Variants in RPH3AL observed in about 807,000 individuals in gnomAD.
The protein encoded by RPH3AL is rabphilin 3A like (without C2 domains).
RPH3AL carries 38 observed loss-of-function variants against 43.1 expected under a neutral mutation model. The observed-to-expected ratio is 0.88, with a 90% CI of 0.68 to 1.15. The LOEUF is 1.15. RPH3AL is among the 50% of genes most tolerant of loss of function. RPH3AL has a pLI of 0.00. For synonymous variants in RPH3AL, 189 were observed against 176.3 expected (o/e 1.07, Z -0.57); for missense variants, 462 against 423.2 (o/e 1.09, Z -0.81).
intron 5 of RPH3AL, chr17:306,370 A>G (rs2043488129): frequency 6.6e-6 from 1 of 152,168 alleles, no homozygotes; most frequent in African/African-American, 2.4e-5. Flanking sequence ...CGGTAAGGCC[A>G]TCAGACCCAG....
intron 5 of RPH3AL, among the ~76,000 whole-genome samples, chr17:304,998 A>AG (rs548477405): frequency 0.02 from 82 of 4,026 alleles, 5 homozygotes; most frequent in East Asian, 0.11. Flanking sequence ...ACAGGGCGAG[A>AG]GGGGACAGGG....
chr17:292,522 T>C (rs928695025), intron 5 of RPH3AL, among the ~76,000 whole-genome samples: 12 of 152,150 alleles, frequency 7.9e-5, no homozygotes, highest in African/African-American at 1.9e-4. Context: ...ACACAAGGGA[T>C]CTGAGACTTG....
chr17:220,238 G>A (rs1597872327), intron 7 of RPH3AL, among the ~76,000 whole-genome samples: 1 of 148,534 alleles, frequency 6.7e-6, no homozygotes, highest in South Asian at 2.2e-4. Context: ...CAACAGCTCT[G>A]AGGCCTCCAC....
chr17:271,637 GAAGTTGCTTATCAGCTT>G (rs1338582063), intron 6 of RPH3AL, among the ~76,000 whole-genome samples: 3 of 152,234 alleles, frequency 2.0e-5, no homozygotes, highest in African/African-American at 7.2e-5. Flanking sequence ...AGACTTTGCT[GAAGTTGCTTATCAGCTT>G]AAGGAGATTT....
At position 289,654 on chromosome 17, in the gene RPH3AL, T is replaced by G. The variant is rs2043000383; in HGVS notation, c.352-7800A>C. 6.6e-6 allele frequency among the ~76,000 whole-genome samples: 1 copy of G among 152,194 alleles called. No individual in the cohort carries two copies. The stretch of plus-strand genomic sequence containing the variant: ...ACCACCGCCTCACTTCATACGGCAT[T>G]CGGGCCGGCCCTGCCTCCTGCTCTA... On this transcript the variant is annotated intron_variant, in intron 5 of 9. Coordinates refer to ENST00000331302, the MANE Select transcript of RPH3AL (RefSeq NM_006987.4). The surrounding 1 kb of genome is among the most constrained non-coding windows in gnomAD (Gnocchi z 5.2).
At chr17:230,302 G>A (rs1412179053) in intron 7 of RPH3AL, among the ~76,000 whole-genome samples, 3 of 152,208 alleles carry the variant, frequency 2.0e-5, no homozygotes, top group Admixed American at 6.5e-5. Context: ...CACCAGCATC[G>A]AAATCTCACA....
intron 5 of RPH3AL, among the ~76,000 whole-genome samples, chr17:316,270 A>C (rs1170387287): frequency 1.5e-5 from 1 of 64,970 alleles, no homozygotes; most frequent in Non-Finnish European, 2.9e-5. Flanking sequence ...CTGTGACTCC[A>C]TCTCCAGTGA....
At chr17:244,914 T>C (rs1461242739) in intron 7 of RPH3AL, among the ~76,000 whole-genome samples, 4 of 152,048 alleles carry the variant, frequency 2.6e-5, no homozygotes, top group African/African-American at 9.7e-5. Context: ...TGTAAGCTAC[T>C]GTGTGCATGA....
chr17:250,625 C>A (rs1351426959), intron 6 of RPH3AL, among the ~76,000 whole-genome samples: 4 of 148,712 alleles, frequency 2.7e-5, no homozygotes, highest in Non-Finnish European at 6.0e-5. Flanking sequence ...TCCCTCGCTG[C>A]GGGACCTCTC....
At chr17:227,802 T>C (rs980880824) in intron 7 of RPH3AL, among the ~76,000 whole-genome samples, 3 of 152,120 alleles carry the variant, frequency 2.0e-5, no homozygotes, top group African/African-American at 7.2e-5. Context: ...ATGGGAATTA[T>C]AGAGGAAGAG....
intron 5 of RPH3AL, among the ~76,000 whole-genome samples, chr17:317,274 C>T (rs1210625752): frequency 1.3e-5 from 2 of 151,802 alleles, no homozygotes; most frequent in Admixed American, 6.5e-5. Context: ...GCCCCACCTC[C>T]ATTGACCTGT....
Position 246,404 on chromosome 17 carries a change from T to G in RPH3AL, c.613+707A>C, listed in dbSNP as rs1328738546. ...TAAGAGCCTGCCCTTGGATCCCAGC[T>G]CGGCCACACACCTGCCGAGGAAGTC... On this transcript the variant is annotated intron_variant, in intron 7 of 9. Transcript: ENST00000331302. This position sits in a 1 kb window ranked among gnomAD's most constrained non-coding sequence, Gnocchi z 4.8. Among the ~76,000 whole-genome samples, 2 of 151,968 alleles carry G rather than the reference T, an allele frequency of 1.3e-5. No homozygotes were observed. The highest frequency in any genetic ancestry group is 6.5e-5 in the Admixed American group (1 of 15,270).
intron 7 of RPH3AL, among the ~76,000 whole-genome samples, chr17:232,410 C>T (rs891187420): frequency 2.6e-5 from 4 of 152,226 alleles, no homozygotes; most frequent in Non-Finnish European, 4.4e-5. Context: ...TCGGACTCCT[C>T]AGCACCAAGG....
chr17:331,311 T>TGAAGGGAGATGAAAGGAG, intron 2 of RPH3AL: 2 of 308,016 alleles, frequency 6.5e-6, no homozygotes, highest in South Asian at 2.7e-5. Context: ...GCTGCAGAGA[T>TGAAGGGAGATGAAAGGAG]CAAGGGAGAC....
Position 309,166 on chromosome 17 carries a change from A to G in RPH3AL, c.351+10254T>C, listed in dbSNP as rs571789525. On this transcript the variant is annotated intron_variant, in intron 5 of 9. Coordinates refer to ENST00000331302, the MANE Select transcript of RPH3AL (RefSeq NM_006987.4). ...AAAAATTTTCCAGGCGAGGTGGTGC[A>G]TGACTGTGGTCCTAGCTCCTAGGGA... Among the ~76,000 whole-genome samples the G allele has an allele frequency of 2.6e-4, 40 of 152,310 alleles. No homozygotes were observed. The East Asian group carries it at 7.3e-3, about 28-fold the overall frequency.
Position 290,930 on chromosome 17 carries a change from A to G in RPH3AL, c.352-9076T>C, listed in dbSNP as rs1223059262. Among the ~76,000 whole-genome samples, 1 of 151,682 alleles carries G rather than the reference A, an allele frequency of 6.6e-6. No homozygotes were observed. Among genetic ancestry groups the G allele is most frequent in the Non-Finnish European group, 1.5e-5 (1 of 67,936 alleles). On this transcript the variant is annotated intron_variant, in intron 5 of 9. Coordinates refer to ENST00000331302, the MANE Select transcript of RPH3AL (RefSeq NM_006987.4). The surrounding 1 kb of genome is among the most constrained non-coding windows in gnomAD (Gnocchi z 4.2). ...GTTCATGAGCCTCACTCGACCGAAAAGGGTGAAACTGCGCTCAAACGTCCT... is the reference window on the plus strand; with the variant it reads ...GTTCATGAGCCTCACTCGACCGAAAGGGGTGAAACTGCGCTCAAACGTCCT...
chr17:312,277 G>C (rs978253734), intron 5 of RPH3AL, among the ~76,000 whole-genome samples: 2 of 152,054 alleles, frequency 1.3e-5, no homozygotes, highest in African/African-American at 4.8e-5. Context: ...CTCCAGCCTG[G>C]GTGACAGAGT....
chr17:319,195 A>G (rs1464716820), intron 5 of RPH3AL, among the ~76,000 whole-genome samples: 1 of 152,172 alleles, frequency 6.6e-6, no homozygotes, highest in Admixed American at 6.5e-5. Context: ...TCGGGTGTGA[A>G]TCTACCAGAA....
intron 5 of RPH3AL, among the ~76,000 whole-genome samples, chr17:286,726 C>G (rs368925762): frequency 2.0e-5 from 3 of 152,208 alleles, no homozygotes; most frequent in East Asian, 3.9e-4. Flanking sequence ...GGTGGCCACT[C>G]ACTTCCCTGC....
Sources: gnomAD v4.1 joint callset for allele counts (sites outside exome capture counted in the v4.1 genomes callset) on GRCh38, gnomAD v4.1.1 for gene constraint, Gnocchi (gnomAD v3.1) non-coding constraint, MANE v1.5 for transcripts, NCBI Gene and HGNC (gene_info 2026-07-23, HGNC 2026-07-21) for gene names.